The following DLG2 variants were observed in gnomAD, a reference collection of about 807,000 sequenced individuals.
The protein encoded by DLG2 is disks large homolog 2.
In DLG2, 45 loss-of-function variants were observed where a neutral mutation model predicts 132.5. The observed-to-expected ratio is 0.34, with a 90% CI of 0.27 to 0.44. DLG2 has a LOEUF of 0.44. Ranked by LOEUF, DLG2 falls within the 20% of genes least tolerant of loss-of-function variation. DLG2 has a pLI of 1.00. For synonymous variants in DLG2, 424 were observed against 419.6 expected (o/e 1.01, Z -0.13); for missense variants, 1,045 against 1,196.9 (o/e 0.87, Z 1.87).
chr11:83,490,543 T>C (rs2093781908), intron 21 of DLG2, among the ~76,000 whole-genome samples: 1 of 151,982 alleles, frequency 6.6e-6, no homozygotes. Context: ...TGAAAGTTTG[T>C]TGGGGAATAG....
chr11:84,809,074 A>C (rs2076288239), intron 6 of DLG2, among the ~76,000 whole-genome samples: 3 of 152,112 alleles, frequency 2.0e-5, no homozygotes, highest in Non-Finnish European at 2.9e-5. Context: ...GACAATATAT[A>C]AAATAGTGGA....
intron 21 of DLG2, among the ~76,000 whole-genome samples, chr11:83,518,536 T>C (rs1330841279): frequency 6.6e-6 from 1 of 152,170 alleles, no homozygotes; most frequent in Non-Finnish European, 1.5e-5. Flanking sequence ...CTCGGTGCAC[T>C]GCACCCGCTA....
intron 6 of DLG2, among the ~76,000 whole-genome samples, chr11:84,784,954 T>C (rs992715961): frequency 6.6e-6 from 1 of 152,168 alleles, no homozygotes; most frequent in Non-Finnish European, 1.5e-5. Flanking sequence ...TAAAGTATTC[T>C]CATCACAGAA....
chr11:85,455,550 C>G (rs973448863), intron 3 of DLG2, among the ~76,000 whole-genome samples: 2 of 152,134 alleles, frequency 1.3e-5, no homozygotes, highest in African/African-American at 4.8e-5. Context: ...GCCAGGACTA[C>G]CAGTACTATG....
At chr11:84,903,887 ATTC>A (rs1259697166) in intron 6 of DLG2, among the ~76,000 whole-genome samples, 1 of 152,166 alleles carries the variant, frequency 6.6e-6, no homozygotes, top group African/African-American at 2.4e-5. Context: ...AATCATTATT[ATTC>A]TTAATATGTA....
At chr11:83,733,325 G>GT (rs2091358380) in intron 18 of DLG2, among the ~76,000 whole-genome samples, 1 of 150,724 alleles carries the variant, frequency 6.6e-6, no homozygotes, top group Non-Finnish European at 1.5e-5. Flanking sequence ...GAGGAGCTCT[G>GT]TGAGTCACTA....
At chr11:83,553,957 G>A (rs978931464) in intron 19 of DLG2, among the ~76,000 whole-genome samples, 7 of 148,944 alleles carry the variant, frequency 4.7e-5, no homozygotes, top group South Asian at 4.2e-4. Context: ...GTGCAGTGGC[G>A]CAATCATAGC....
intron 4 of DLG2, among the ~76,000 whole-genome samples, chr11:85,282,008 A>G (rs558150019): frequency 2.5e-4 from 38 of 152,070 alleles, no homozygotes; most frequent in African/African-American, 8.9e-4. Flanking sequence ...ACATACACAC[A>G]ATGGGAATTT....
intron 6 of DLG2, among the ~76,000 whole-genome samples, chr11:84,714,605 T>TTCTCTCTCTC (rs1384317991): frequency 1.0e-5 from 1 of 99,438 alleles, no homozygotes; most frequent in African/African-American, 4.4e-5. Context: ...TTCTTTCTCT[T>TTCTCTCTCTC]TCTCTTTCTC....
intron 3 of DLG2, among the ~76,000 whole-genome samples, chr11:85,396,318 G>T (rs2087362920): frequency 6.6e-6 from 1 of 152,128 alleles, no homozygotes; most frequent in Non-Finnish European, 1.5e-5. Context: ...CAAACATGGG[G>T]AGAAACAAGA....
intron 18 of DLG2, among the ~76,000 whole-genome samples, chr11:83,756,522 G>A (rs901946666): frequency 1.3e-5 from 2 of 151,468 alleles, no homozygotes; most frequent in Admixed American, 1.3e-4. Context: ...CCTAGCTGGA[G>A]TCCTGGGTCT....
intron 5 of DLG2, among the ~76,000 whole-genome samples, chr11:85,145,535 C>A (rs1051325707): frequency 1.3e-5 from 2 of 151,794 alleles, no homozygotes; most frequent in Non-Finnish European, 2.9e-5. Flanking sequence ...TCTTCTTTCC[C>A]CCATGGCTGT....
chr11:83,833,782 A>T lies in DLG2; in HGVS notation c.1566-12T>A. ...CCTTGCGAGGCTCTCTGCAGAAAGA[A>T]ATAGAGAACACAGCTCAGAGGGTGA... On this transcript the variant is annotated splice_polypyrimidine_tract_variant and intron_variant, in intron 16 of 27. Transcript: ENST00000376104. 6.8e-6 allele frequency: 11 copies of T among 1,612,854 alleles called. No homozygotes were observed. The highest frequency in any genetic ancestry group is 9.3e-6 in the Non-Finnish European group (11 of 1,179,286).
intron 21 of DLG2, among the ~76,000 whole-genome samples, chr11:83,521,167 G>A (rs2095471111): frequency 6.6e-6 from 1 of 152,180 alleles, no homozygotes; most frequent in African/African-American, 2.4e-5. Context: ...AAAGAACAGT[G>A]TCTGGCTGTG....
At chr11:85,620,775 T>C (rs1436318289) in intron 2 of DLG2, among the ~76,000 whole-genome samples, 1 of 152,184 alleles carries the variant, frequency 6.6e-6, no homozygotes, top group Non-Finnish European at 1.5e-5. Context: ...CAAAGGTTGG[T>C]TCATGAGGTG....
intron 3 of DLG2, among the ~76,000 whole-genome samples, chr11:85,408,337 G>C (rs1023427850): frequency 3.4e-4 from 52 of 150,806 alleles, no homozygotes; most frequent in Non-Finnish European, 6.4e-4. Context: ...ACTGACATTT[G>C]GGTGGGCAGA....
intron 3 of DLG2, among the ~76,000 whole-genome samples, chr11:85,482,578 G>A (rs1268182114): frequency 1.3e-5 from 2 of 152,114 alleles, no homozygotes; most frequent in Non-Finnish European, 2.9e-5. Flanking sequence ...CCCTAGGCCA[G>A]GTCCTAGACC....
At chr11:84,840,006 A>G (rs2080396729) in intron 6 of DLG2, among the ~76,000 whole-genome samples, 1 of 152,142 alleles carries the variant, frequency 6.6e-6, no homozygotes, top group African/African-American at 2.4e-5. Context: ...CAATTAAACT[A>G]GAGAGCTTCT....
At chr11:83,551,757 C>A (rs2142077836) in intron 19 of DLG2, among the ~76,000 whole-genome samples, 2 of 152,246 alleles carry the variant, frequency 1.3e-5, no homozygotes, top group Non-Finnish European at 2.9e-5. Context: ...CTTACTCACC[C>A]AGGCAAAAGC....
Sources: allele counts gnomAD v4.1 joint callset (sites outside exome capture counted in the v4.1 genomes callset), GRCh38; gene constraint gnomAD v4.1.1; transcripts MANE v1.5; gene names NCBI Gene and HGNC (gene_info 2026-07-23, HGNC 2026-07-21).